The following MUC4 variants were observed in gnomAD, a reference collection of about 807,000 sequenced individuals.
MUC4 encodes mucin 4, cell surface associated.
MUC4 carries 202 observed loss-of-function variants against 257.9 expected under a neutral mutation model. The ratio of observed to expected loss-of-function variants is 0.78; its 90% CI spans 0.70 to 0.88. The LOEUF (loss-of-function observed/expected upper bound fraction) is 0.88. Ranked by LOEUF, MUC4 falls within the 40% of genes least tolerant of loss-of-function variation. MUC4 has a pLI of 0.00. For synonymous variants in MUC4, 2,351 were observed against 2,757.1 expected (o/e 0.85, Z 4.62); for missense variants, 5,976 against 6,513.7 (o/e 0.92, Z 2.84).
intron 13 of MUC4, 70 bp downstream of exon 13, chr3:195,762,785 G>T: frequency 2.3e-6 from 2 of 873,368 alleles, no homozygotes; most frequent in East Asian, 3.2e-5. Flanking sequence ...GCCCTGCACC[G>T]CAACGCGGCT....
intron 18 of MUC4, among the ~76,000 whole-genome samples, chr3:195,756,007 G>C (rs542830358): frequency 2.0e-5 from 3 of 152,280 alleles, no homozygotes; most frequent in East Asian, 3.9e-4. Flanking sequence ...GTGGAATTAG[G>C]CCAAGTATCT....
At chr3:195,770,469 A>G in intron 5 of MUC4, 98 bp from the exon 6 acceptor site, 1 of 1,387,992 alleles carries the variant, frequency 7.2e-7, no homozygotes, top group Non-Finnish European at 1.0e-6. Flanking sequence ...ACTTCAGCCC[A>G]CCCAATGGCC....
rs1476346476 is a variant in MUC4, at chr3:195,781,235, C to G, written c.10345G>C (p.Ala3449Pro). Residue 3449 changes from alanine (A) to proline (P), a missense_variant, in exon 2 of 25, where the codon GCA (alanine) becomes CCA (proline). Transcript: ENST00000463781. ...TPVPVTSTSS[A>P]STGHTTPLPV... is the part of the protein sequence containing the mutation. ...AGAGGGGTGGTGTGACCTGTAGATG[C>G]TGAGGAAGTGCTGGTGACAGGAACA... 7.1e-7 allele frequency: 1 copy of G among 1,400,924 alleles called. No individual in the cohort carries two copies. Among genetic ancestry groups the G allele is most frequent in the East Asian group, 2.8e-5 (1 of 36,318 alleles). The allele number at this position is 1,400,924 out of a possible 1,614,324, so 86.8% of individuals were successfully genotyped here.
intron 5 of MUC4, 190 bp from the exon 6 acceptor site, chr3:195,770,561 G>A: frequency 1.6e-6 from 1 of 640,720 alleles, no homozygotes; most frequent in Admixed American, 2.9e-5. Context: ...CTGCAGGAAG[G>A]CCTGCAGTGT....
chr3:195,765,118 G>A lies in MUC4; in HGVS notation c.13803C>T (p.Arg4601=), dbSNP rs536360499. The change falls in exon 10 of 25, where the codon CGC becomes CGT. Residue 4601 remains arginine (R), a synonymous_variant. Transcript: ENST00000463781. The part of the protein sequence containing the change: ...DLRFQPVSIG[R]WGLGSRQLCS... Reference sequence around the variant, plus strand: ...ACAGCTGCCTACTGCCGAGGCCCCAGCGACCTGAAACAAGTCCAGTCCCAC... The same window carrying A: ...ACAGCTGCCTACTGCCGAGGCCCCAACGACCTGAAACAAGTCCAGTCCCAC... 4 of 1,612,376 alleles carry A rather than the reference G, an allele frequency of 2.5e-6. No homozygotes were observed. The Admixed American group carries it at 5.0e-5, about 20-fold the overall frequency.
intron 1 of MUC4, among the ~76,000 whole-genome samples, chr3:195,806,481 C>T (rs1371662202): frequency 5.3e-5 from 8 of 152,240 alleles, no homozygotes; most frequent in Non-Finnish European, 1.0e-4. Flanking sequence ...TGATGTCTGT[C>T]TGCACCAAGA....
At chr3:195,770,027 G>A (rs75509830) in intron 6 of MUC4, among the ~76,000 whole-genome samples, 189 bp downstream of exon 6, 3,148 of 151,238 alleles carry the variant, frequency 0.021, 60 homozygotes, top group Non-Finnish European at 0.032. Flanking sequence ...AAAGGGCCGA[G>A]ACAGGCCGGG....
rs758983057 is a variant in MUC4, at chr3:195,790,514, G to T, written c.1066C>A (p.Pro356Thr). ...GTTCCACTTGGGTTGAATCCACTTG[G>T]TGAGGATAAAACAGTTGATGTTGTA... ...PVTTSTVLSS[P>T]SGFNPSGTVS... The change falls in exon 2 of 25, where the codon CCA becomes ACA. Residue 356 changes from proline (P) to threonine (T), a missense_variant. Pro to Thr is a conservative substitution (Grantham distance 38). Coordinates refer to ENST00000463781, the MANE Select transcript of MUC4 (RefSeq NM_018406.7). The T allele has an allele frequency of 8.1e-6, 13 of 1,614,018 alleles. No individual in the cohort carries two copies. Among genetic ancestry groups the T allele is most frequent in the Non-Finnish European group, 1.1e-5 (13 of 1,179,894 alleles).
chr3:195,784,294 T>A lies in MUC4; in HGVS notation c.7286A>T (p.Asp2429Val). The A allele has an allele frequency of 7.0e-7, 1 of 1,438,574 alleles. No homozygotes were observed. The highest frequency in any genetic ancestry group is 9.4e-7 in the Non-Finnish European group (1 of 1,063,092). 89.1% of individuals were successfully genotyped at this position (1,438,574 alleles called of 1,614,324 possible). The change falls in exon 2 of 25, where the codon GAC (aspartate) becomes GTC (valine). Residue 2429 changes from aspartate (D) to valine (V), a missense_variant. Physicochemically the swap from Asp to Val is radical, Grantham distance 152. This residue lies in a region of MUC4 where 57 missense variants were observed against 116.5 expected (regional missense o/e 0.49). Coordinates refer to ENST00000463781, the MANE Select transcript of MUC4 (RefSeq NM_018406.7). ...GTTGGTGACAGGAAGACGGGTGGTG[T>A]CACCTGTGGAAGCTGAGGAAAGGCC... ...VTGLSSASTG[D>V]TTRLPVTNVS... is the part of the protein sequence containing the mutation.
intron 3 of MUC4, among the ~76,000 whole-genome samples, chr3:195,774,640 G>A (rs549036402): frequency 6.6e-6 from 1 of 152,124 alleles, no homozygotes; most frequent in Non-Finnish European, 1.5e-5. Flanking sequence ...GGTGGCTCAC[G>A]CCTGTAATCC....
Position 195,755,777 on chromosome 3 carries a change from A to C in MUC4, c.15168+1370T>G, listed in dbSNP as rs1717535144. Among the ~76,000 whole-genome samples the C allele has an allele frequency of 1.3e-5, 2 of 151,550 alleles. No homozygotes were observed. The highest frequency in any genetic ancestry group is 4.2e-4 in the South Asian group (2 of 4,770). ...CCCATTGTGTATTTTATGCTTTTCT[A>C]CCCCCTACCCCACCAACCGTCCCTA... is the stretch of plus-strand genomic sequence containing the variant. On this transcript the variant is annotated intron_variant, in intron 18 of 24. Transcript: ENST00000463781. The surrounding 1 kb of genome is among the most constrained non-coding windows in gnomAD (Gnocchi z 5.0).
chr3:195,802,267 T>C (rs1735421144), intron 1 of MUC4, among the ~76,000 whole-genome samples: 1 of 151,738 alleles, frequency 6.6e-6, no homozygotes, highest in African/African-American at 2.4e-5. Flanking sequence ...TCAGTACTCG[T>C]TGATCTTCCT....
intron 4 of MUC4, among the ~76,000 whole-genome samples, chr3:195,772,703 C>A (rs1723251183): frequency 6.7e-6 from 1 of 149,580 alleles, no homozygotes; most frequent in Middle Eastern, 3.7e-3. Flanking sequence ...TGTAGACACC[C>A]TCCCTTCATC....
rs368187847 is a variant in MUC4 at position 195,791,340 on chromosome 3, C to G, written c.240G>C (p.Lys80Asn). ...GAGCTTTGCTGGTGGTCTCCGTGCTCTTAGTCTGGTGGTTCTGAGATGAAG... is the reference window on the plus strand; with the variant it reads ...GAGCTTTGCTGGTGGTCTCCGTGCTGTTAGTCTGGTGGTTCTGAGATGAAG... Reference protein sequence around the residue: ...ISASSQNHQTKSTETTSKAQT... With the variant: ...ISASSQNHQTNSTETTSKAQT... The change falls in exon 2 of 25, where the codon AAG (lysine) becomes AAC (asparagine). Residue 80 changes from lysine (K) to asparagine (N), a missense_variant. Transcript: ENST00000463781. The G allele has an allele frequency of 2.5e-6, 4 of 1,613,902 alleles. No homozygotes were observed. The highest frequency in any genetic ancestry group is 1.7e-6 in the Non-Finnish European group (2 of 1,179,886).
chr3:195,747,972 A>AGCCCGGCCCC (rs1278580069), intron 24 of MUC4, among the ~76,000 whole-genome samples: 3 of 150,306 alleles, frequency 2.0e-5, no homozygotes, highest in Non-Finnish European at 4.5e-5. Context: ...CCCCCGCCCC[A>AGCCCGGCCCC]GCCCGGCCCC....
At chr3:195,772,723 T>C (rs1277712338) in intron 4 of MUC4, among the ~76,000 whole-genome samples, 7 of 146,776 alleles carry the variant, frequency 4.8e-5, no homozygotes, top group Non-Finnish European at 1.0e-4. Flanking sequence ...CGCTCAGGGG[T>C]GTAGACATCC....
At chr3:195,771,147 G>A (rs1722775934) in intron 5 of MUC4, among the ~76,000 whole-genome samples, 1 of 144,434 alleles carries the variant, frequency 6.9e-6, no homozygotes, top group South Asian at 2.2e-4. Context: ...TCTCGCGGCC[G>A]GGTTGGGGTA....
rs747926347 is a variant in MUC4 at position 195,748,914 on chromosome 3, C to T, written c.16022G>A (p.Gly5341Glu). 1.3e-6 allele frequency: 2 copies of T among 1,584,978 alleles called. No individual in the cohort carries two copies. The highest frequency in any genetic ancestry group is 2.3e-5 in the South Asian group (2 of 86,940). The change falls in exon 24 of 25, where the codon GGG becomes GAG. Residue 5341 changes from glycine (G) to glutamate (E), a missense_variant. Transcript: ENST00000463781. ...HGGQCQHLPS[G>E]PRCSCVSFSI... Reference sequence around the variant, plus strand: ...CAGCCCTATGCACCTGCAGCGGGGCCCACTGGGCAGGTGCTGGCACTGGCC... The same window carrying T: ...CAGCCCTATGCACCTGCAGCGGGGCTCACTGGGCAGGTGCTGGCACTGGCC...
rs1469522263 is a variant in MUC4 at position 195,783,965 on chromosome 3, T to G, written c.7615A>C (p.Thr2539Pro). Reference protein sequence around the residue: ...LPVTNASSLSTRHATSLHVTS... With the variant: ...LPVTNASSLSPRHATSLHVTS... ...ACATGAAGAGAGGTGGCGTGACGTG[T>G]GGATAATGAGGAAGCATTGGTGACA... Residue 2539 changes from threonine to proline, a missense_variant, in exon 2 of 25, where the codon ACA becomes CCA. Transcript: ENST00000463781. 4 of 1,521,750 alleles carry G rather than the reference T, an allele frequency of 2.6e-6. No homozygotes were observed. Among genetic ancestry groups the G allele is most frequent in the South Asian group, 2.4e-5 (2 of 82,978 alleles). The allele number at this position is 1,521,750 out of a possible 1,614,324, so 94.3% of individuals were successfully genotyped here.
Sources: gnomAD v4.1 joint callset for allele counts (sites outside exome capture counted in the v4.1 genomes callset) on GRCh38, gnomAD v4.1.1 for gene constraint, gnomAD v4.1.1 regional missense constraint, Gnocchi (gnomAD v3.1) non-coding constraint, MANE v1.5 for transcripts, NCBI Gene and HGNC (gene_info 2026-07-23, HGNC 2026-07-21) for gene names.